Variants in TMEM161B observed in about 807,000 individuals in gnomAD.
TMEM161B encodes transmembrane protein 161B.
TMEM161B carries 34 observed loss-of-function variants against 61.8 expected under a neutral mutation model. That is an observed-to-expected ratio of 0.55 (90% CI 0.42 to 0.73). The LOEUF is 0.73. TMEM161B is among the 30% of genes least tolerant of loss of function. The pLI is 0.00. For missense variants in TMEM161B, 456 were observed against 558.5 expected, an observed-to-expected ratio of 0.82 and a Z score of 1.85; for synonymous variants, 167 against 192.8, an observed-to-expected ratio of 0.87 and a Z score of 1.11.
chr5:88,213,814 A>C (rs997388600), intron 5 of TMEM161B, among the ~76,000 whole-genome samples: 1 of 152,198 alleles, frequency 6.6e-6, no homozygotes, highest in Non-Finnish European at 1.5e-5. Context: ...TTGACATAAC[A>C]TGACATATAC....
chr5:88,261,190 G>A (rs1227894660), intron 1 of TMEM161B, among the ~76,000 whole-genome samples: 1 of 152,048 alleles, frequency 6.6e-6, no homozygotes, highest in Non-Finnish European at 1.5e-5. Flanking sequence ...AGAAAAAAAT[G>A]AATACTTTGG....
At chr5:88,251,084 G>A (rs562904441) in intron 1 of TMEM161B, 1 of 152,276 alleles carries the variant, frequency 6.6e-6, no homozygotes, top group South Asian at 2.1e-4. Flanking sequence ...TAAAGCTTTT[G>A]TGGACAATTT....
intron 1 of TMEM161B, chr5:88,251,048 T>C (rs1197676133): frequency 2.0e-5 from 3 of 152,176 alleles, no homozygotes; most frequent in Non-Finnish European, 4.4e-5. Context: ...TGAGTGAGAC[T>C]GATCACTGCC....
Position 88,196,024 on chromosome 5 carries a change from T to C in TMEM161B, c.*187A>G. 2 of 1,380,616 alleles carry C rather than the reference T, an allele frequency of 1.4e-6. No homozygotes were observed. The highest frequency in any genetic ancestry group is 5.5e-5 in the East Asian group (2 of 36,306). 85.5% of individuals were successfully genotyped at this position (1,380,616 alleles called of 1,614,324 possible). A position where few individuals can be genotyped will look rare whatever the true frequency, so the allele number is the denominator to read the frequency against. On this transcript the variant is annotated 3_prime_UTR_variant, in exon 12 of 12. Transcript: ENST00000296595. ...ACAGTGTAACAGTTAACAATCTATT[T>C]TGTAATTTTAAATATTACTACATTA...
intron 2 of TMEM161B, among the ~76,000 whole-genome samples, chr5:88,235,465 T>A (rs1751690006): frequency 6.6e-6 from 1 of 152,186 alleles, no homozygotes; most frequent in East Asian, 1.9e-4. Context: ...GTGGGAACTT[T>A]CAGGAGTTTC....
chr5:88,191,797 A>G (rs951914538), downstream of TMEM161B, among the ~76,000 whole-genome samples: 1 of 150,962 alleles, frequency 6.6e-6, no homozygotes, highest in African/African-American at 2.4e-5. Context: ...CTCTATTAAA[A>G]ATACGAAAAA....
chr5:88,258,283 TAA>T (rs1228587803), intron 1 of TMEM161B, among the ~76,000 whole-genome samples: 2 of 152,160 alleles, frequency 1.3e-5, no homozygotes, highest in Non-Finnish European at 2.9e-5. Flanking sequence ...TACTTTTTCG[TAA>T]AGATTGTGAT....
At position 88,260,400 on chromosome 5, in the gene TMEM161B, C is replaced by T. The variant is rs187853604; in HGVS notation, c.3+8321G>A. Among the ~76,000 whole-genome samples, 5 of 152,302 alleles carry T rather than the reference C, an allele frequency of 3.3e-5. No individual in the cohort carries two copies. In the East Asian group the frequency reaches 9.6e-4, roughly 29 times the overall value. ...ATCATAGAATTCTAGTTCAAGCACA[C>T]TTTCAATGCCATGTATTTATTTTTA... On this transcript the variant is annotated intron_variant, in intron 1 of 11. Transcript: ENST00000296595.
intron 2 of TMEM161B, among the ~76,000 whole-genome samples, chr5:88,236,831 T>C (rs1751940509): frequency 6.6e-6 from 1 of 152,188 alleles, no homozygotes; most frequent in Non-Finnish European, 1.5e-5. Context: ...CTATAGGATA[T>C]ATTCTAAAAG....
At chr5:88,240,726 G>A (rs1485237726) in intron 2 of TMEM161B, 87 bp downstream of exon 2, 3 of 1,079,028 alleles carry the variant, frequency 2.8e-6, no homozygotes, top group South Asian at 1.3e-5. Context: ...TTTTGTTAAA[G>A]TTTTAGAAAC....
chr5:88,190,477 A>G (rs1192649287), downstream of TMEM161B, among the ~76,000 whole-genome samples: 2 of 151,934 alleles, frequency 1.3e-5, no homozygotes, highest in African/African-American at 4.8e-5. Flanking sequence ...TCCTCCCTCT[A>G]CCTGGAGAAA....
chr5:88,207,809 C>T (rs1745832475), intron 5 of TMEM161B, among the ~76,000 whole-genome samples: 1 of 152,130 alleles, frequency 6.6e-6, no homozygotes, highest in African/African-American at 2.4e-5. Context: ...AGATAGAACT[C>T]AGATTTCCAT....
At chr5:88,208,176 C>T (rs1304433666) in intron 5 of TMEM161B, among the ~76,000 whole-genome samples, 2 of 152,062 alleles carry the variant, frequency 1.3e-5, no homozygotes, top group African/African-American at 4.8e-5. Context: ...ACGGCGAAAC[C>T]CCGTCTCTAC....
chr5:88,205,775 A>G (rs1379428154), intron 8 of TMEM161B, 39 bp downstream of exon 8: 16 of 1,602,020 alleles, frequency 1.0e-5, no homozygotes, highest in African/African-American at 1.3e-5. Context: ...TGGAAAACAT[A>G]TATTTATCTG....
At chr5:88,249,613 G>A (rs1439606308) in intron 1 of TMEM161B, among the ~76,000 whole-genome samples, 1 of 152,048 alleles carries the variant, frequency 6.6e-6, no homozygotes, top group Non-Finnish European at 1.5e-5. Flanking sequence ...AAGGAGTAGA[G>A]GAAGCATCCC....
At chr5:88,267,692 G>A (rs1222437590) in intron 1 of TMEM161B, among the ~76,000 whole-genome samples, 1 of 152,214 alleles carries the variant, frequency 6.6e-6, no homozygotes, top group South Asian at 2.1e-4. Flanking sequence ...TTACTGCAAA[G>A]AATCATCTTT....
intron 5 of TMEM161B, 84 bp from the exon 6 acceptor site, chr5:88,207,264 A>C: frequency 8.0e-7 from 1 of 1,247,740 alleles, no homozygotes; most frequent in East Asian, 2.7e-5. Context: ...GATTGCAATA[A>C]AATTTGACTA....
At chr5:88,196,597 G>A (rs1749689565) in intron 11 of TMEM161B, 109 bp from the exon 12 acceptor site, 1 of 1,088,190 alleles carries the variant, frequency 9.2e-7, no homozygotes, top group Admixed American at 3.0e-5. Context: ...TAGTGGCACA[G>A]TACATCATTT....
At chr5:88,247,016 T>C (rs957977125) in intron 1 of TMEM161B, among the ~76,000 whole-genome samples, 1 of 151,964 alleles carries the variant, frequency 6.6e-6, no homozygotes, top group African/African-American at 2.4e-5. Context: ...TTTAAAAAAA[T>C]AGCTCATAAG....
Sources: gnomAD v4.1 joint callset for allele counts (sites outside exome capture counted in the v4.1 genomes callset) on GRCh38, gnomAD v4.1.1 for gene constraint, MANE v1.5 for transcripts, NCBI Gene and HGNC (gene_info 2026-07-23, HGNC 2026-07-21) for gene names.